The following VPS13B variants were observed in gnomAD, a reference collection of about 807,000 sequenced individuals.
VPS13B encodes the protein vacuolar protein sorting 13 homolog B, also known as intermembrane lipid transfer protein VPS13B.
In VPS13B, 285 loss-of-function variants were observed where a neutral mutation model predicts 426.4. The ratio of observed to expected loss-of-function variants is 0.67; its 90% CI spans 0.61 to 0.74. The LOEUF is 0.74. Among genes scored for constraint, VPS13B ranks in the 30% least tolerant of loss-of-function variants. The pLI is 0.00. For missense variants in VPS13B, 4,537 were observed against 4,782.6 expected (o/e 0.95, Z 1.51); for synonymous variants, 1,676 against 1,676.4 (o/e 1.00, Z 0.01).
At chr8:99,121,074 A>G in intron 7 of VPS13B, 103 bp from the exon 8 acceptor site, 2 of 990,034 alleles carry the variant, frequency 2.0e-6, no homozygotes, top group Non-Finnish European at 3.0e-6. Context: ...TTTATACCTT[A>G]TATTAGAAGG....
chr8:99,672,551 T>C (rs984657240), intron 35 of VPS13B, among the ~76,000 whole-genome samples: 1 of 152,132 alleles, frequency 6.6e-6, no homozygotes, highest in Non-Finnish European at 1.5e-5. Flanking sequence ...TAAGGTTTTC[T>C]ATATATAAGA....
At chr8:99,044,084 C>CTTTTTTTTTTTTTTTTTTTTTTTTTTTTT (rs5893476) in intron 3 of VPS13B, among the ~76,000 whole-genome samples, 2 of 98,932 alleles carry the variant, frequency 2.0e-5, no homozygotes, top group Non-Finnish European at 3.7e-5. Flanking sequence ...TTCTTTCTTT[C>CTTTTTTTTTTTTTTTTTTTTTTTTTTTTT]TTTTTTTTTT....
chr8:99,574,248 G>A (rs1002842034), intron 31 of VPS13B, among the ~76,000 whole-genome samples: 8 of 152,052 alleles, frequency 5.3e-5, no homozygotes, highest in African/African-American at 1.7e-4. Flanking sequence ...GTCTGCAAAC[G>A]GGGACAATAT....
rs1348435232 is a variant in VPS13B at position 99,696,399 on chromosome 8, G to A, written c.6047-3126G>A. ...TGTGGATCCATGCCAAGATCGTGGT[G>A]CTCATGCTGTGGCACATCCTTGACA... On this transcript the variant is annotated intron_variant, in intron 35 of 61. Coordinates refer to ENST00000357162, the MANE Select transcript of VPS13B (RefSeq NM_152564.5). 4 of 330,772 alleles carry A rather than the reference G, an allele frequency of 1.2e-5. No homozygotes were observed. The Admixed American group carries it at 1.6e-4, about 13-fold the overall frequency. The allele number at this position is 330,772 out of a possible 1,614,324, so 20.5% of individuals were successfully genotyped here. A position where few individuals can be genotyped will look rare whatever the true frequency, so the allele number is the denominator to read the frequency against.
intron 19 of VPS13B, chr8:99,341,677 A>G (rs1166633584): frequency 5.8e-6 from 2 of 342,568 alleles, no homozygotes; most frequent in African/African-American, 2.2e-5. Flanking sequence ...CATCTATCAC[A>G]GCTTCCGTTC....
chr8:99,727,959 A>T, intron 39 of VPS13B, among the ~76,000 whole-genome samples: 1 of 152,226 alleles, frequency 6.6e-6, no homozygotes, highest in Non-Finnish European at 1.5e-5. Flanking sequence ...TATGTCTAAC[A>T]TTCAAATCAT....
Position 99,641,793 on chromosome 8 carries a change from ATTAC to A in VPS13B, c.5221-15_5221-12del. ...GCATGTAACTAGTTTGAAATATTTT[ATTAC>A]TTTTTTCTTACAGATCTCTAAACAA... is the stretch of plus-strand genomic sequence containing the variant. On this transcript the variant is annotated splice_polypyrimidine_tract_variant and intron_variant, in intron 33 of 61. Transcript: ENST00000357162. 6.3e-7 allele frequency: 1 copy of A among 1,598,882 alleles called. No individual in the cohort carries two copies. The highest frequency in any genetic ancestry group is 8.5e-7 in the Non-Finnish European group (1 of 1,169,858).
chr8:99,633,677 A>C (rs1017243316), intron 33 of VPS13B, among the ~76,000 whole-genome samples: 3 of 152,010 alleles, frequency 2.0e-5, no homozygotes, highest in African/African-American at 7.2e-5. Context: ...ATCAGTCTGA[A>C]GAGTAGTTAC....
Position 99,089,631 on chromosome 8 carries a change from C to G in VPS13B, c.292-6681C>G, listed in dbSNP as rs1276984132. ...ATCCATAGAAGGGAGTGTCTGAGTT[C>G]AGATAAGGGATTGTGGAGAACAAAG... On this transcript the variant is annotated intron_variant, in intron 3 of 61. Transcript: ENST00000357162. Among the ~76,000 whole-genome samples, 7 of 152,216 alleles carry G rather than the reference C, an allele frequency of 4.6e-5. No homozygotes were observed. The East Asian group carries it at 1.4e-3, about 29-fold the overall frequency.
At chr8:99,111,368 G>T in intron 6 of VPS13B, 89 bp downstream of exon 6, 8 of 1,084,996 alleles carry the variant, frequency 7.4e-6, no homozygotes, top group Middle Eastern at 3.1e-4. Flanking sequence ...AACAAATGAA[G>T]AAATTAACCT....
chr8:99,384,778 C>G (rs1234299889), intron 20 of VPS13B, among the ~76,000 whole-genome samples: 1 of 152,214 alleles, frequency 6.6e-6, no homozygotes, highest in African/African-American at 2.4e-5. Flanking sequence ...CTCCCGAGTT[C>G]AAGTGATTCT....
intron 3 of VPS13B, among the ~76,000 whole-genome samples, chr8:99,041,030 C>T (rs1252151340): frequency 6.6e-6 from 1 of 152,136 alleles, no homozygotes; most frequent in Non-Finnish European, 1.5e-5. Flanking sequence ...AAAAGAGATT[C>T]ATAATGATTG....
At chr8:99,836,607 T>C in intron 54 of VPS13B, among the ~76,000 whole-genome samples, 1 of 152,330 alleles carries the variant, frequency 6.6e-6, no homozygotes, top group Admixed American at 6.5e-5. Context: ...ACTTCATTTG[T>C]TTTTATGAGT....
rs775095902 is a variant in VPS13B, at chr8:99,013,759, G to T, written c.-29-1G>T. The T allele has an allele frequency of 1.2e-6, 2 of 1,613,778 alleles. No individual in the cohort carries two copies. Among genetic ancestry groups the T allele is most frequent in the South Asian group, 2.2e-5 (2 of 91,018 alleles). ...CTAACGTTTCTGTCTACTCCTTTCA[G>T]CTTCCGACTTCGACTCCTTACCTTA... On this transcript the variant is annotated splice_acceptor_variant, in intron 1 of 61. Coordinates refer to ENST00000357162, the MANE Select transcript of VPS13B (RefSeq NM_152564.5). LOFTEE classifies it low-confidence loss of function (5UTR_SPLICE).
intron 30 of VPS13B, among the ~76,000 whole-genome samples, chr8:99,521,336 C>A (rs1822371444): frequency 6.6e-6 from 1 of 152,164 alleles, no homozygotes; most frequent in East Asian, 1.9e-4. Context: ...TGTAGAACCA[C>A]CACATCCTAC....
chr8:99,189,795 T>G lies in VPS13B; in HGVS notation c.2334-3081T>G, dbSNP rs560187580. Reference sequence around the variant, plus strand: ...AGATTTATACATAACTTTATGATATTAGTTTATAGTTTAAATCCATTGTGA... The same window carrying G: ...AGATTTATACATAACTTTATGATATGAGTTTATAGTTTAAATCCATTGTGA... On this transcript the variant is annotated intron_variant, in intron 16 of 61. Coordinates refer to ENST00000357162, the MANE Select transcript of VPS13B (RefSeq NM_152564.5). Among the ~76,000 whole-genome samples, 3 of 152,350 alleles carry G rather than the reference T, an allele frequency of 2.0e-5. No individual in the cohort carries two copies. The South Asian group carries it at 6.2e-4, about 32-fold the overall frequency.
intron 19 of VPS13B, among the ~76,000 whole-genome samples, chr8:99,368,741 T>G (rs1483850423): frequency 2.0e-5 from 3 of 152,206 alleles, no homozygotes; most frequent in African/African-American, 7.2e-5. Flanking sequence ...CCATGCTCCA[T>G]TCATTTTTAT....
chr8:99,833,554 G>A (rs1815206946), intron 52 of VPS13B, among the ~76,000 whole-genome samples: 1 of 152,146 alleles, frequency 6.6e-6, no homozygotes, highest in Non-Finnish European at 1.5e-5. Context: ...TTCGTTCACA[G>A]TATTCACAAA....
intron 24 of VPS13B, among the ~76,000 whole-genome samples, chr8:99,468,693 C>T (rs933435462): frequency 1.3e-5 from 2 of 152,034 alleles, no homozygotes; most frequent in Non-Finnish European, 2.9e-5. Flanking sequence ...CCACTGCACT[C>T]CAGCCTGGGC....
Sources: gnomAD v4.1 joint callset for allele counts (sites outside exome capture counted in the v4.1 genomes callset) on GRCh38, gnomAD v4.1.1 for gene constraint, MANE v1.5 for transcripts, NCBI Gene and HGNC (gene_info 2026-07-23, HGNC 2026-07-21) for gene names.